Variants in BTC observed in about 807,000 individuals in gnomAD.
The protein encoded by BTC is betacellulin, also known as probetacellulin.
A neutral mutation model predicts 18.1 loss-of-function variants in BTC; 13 were observed. The observed-to-expected ratio is 0.72, with a 90% confidence interval of 0.47 to 1.14. The LOEUF is 1.14. Ranked by LOEUF, BTC falls within the 50% of genes most tolerant of loss-of-function variation. BTC has a pLI of 0.00. For missense variants in BTC, 247 were observed against 224.2 expected (o/e 1.10, Z -0.65); for synonymous variants, 83 against 79.4 (o/e 1.05, Z -0.24).
intron 2 of BTC, among the ~76,000 whole-genome samples, chr4:74,759,361 A>G (rs1724688684): frequency 6.6e-6 from 1 of 152,076 alleles, no homozygotes; most frequent in Non-Finnish European, 1.5e-5. Flanking sequence ...GACACAATCG[A>G]TTTTTTTCCT....
In BTC at chr4:74,769,917, G is replaced by C. The variant is rs1577960033; in HGVS notation, c.163+141C>G. 5.0e-6 allele frequency: 3 copies of C among 598,038 alleles called. No homozygotes were observed. In the East Asian group the frequency reaches 1.0e-4, roughly 21 times the overall value. 37.0% of individuals were successfully genotyped at this position (598,038 alleles called of 1,614,324 possible). A position where few individuals can be genotyped will look rare whatever the true frequency, so the allele number is the denominator to read the frequency against. ...CTAGCTCAGGGGGCTCTTGTGAGTA[G>C]TGATTAATTACTGTATATAAAGCAC... On this transcript the variant is annotated intron_variant, in intron 2 of 5. Transcript: ENST00000395743.
At chr4:74,770,017 A>C in intron 2 of BTC, 41 bp downstream of exon 2, 1 of 1,511,152 alleles carries the variant, frequency 6.6e-7, no homozygotes, top group South Asian at 1.2e-5. Flanking sequence ...TTATCAGAAA[A>C]TTAAAACTCA....
chr4:74,747,736 A>G (rs1553955615), intron 5 of BTC, among the ~76,000 whole-genome samples: 1 of 152,148 alleles, frequency 6.6e-6, no homozygotes, highest in East Asian at 1.9e-4. Context: ...TTTTCTTTCA[A>G]TGTGAAGTGT....
At chr4:74,776,856 G>A (rs1241533158) in intron 1 of BTC, among the ~76,000 whole-genome samples, 1 of 152,010 alleles carries the variant, frequency 6.6e-6, no homozygotes. Flanking sequence ...TTTATATTCT[G>A]ATGATTTAGG....
rs3087017 is a variant in BTC, at chr4:74,786,967, A to AT, written c.64+7294dup. Among the ~76,000 whole-genome samples the AT allele has an allele frequency of 5.0e-3, 724 of 144,526 alleles. 4 individuals carry two copies. Among genetic ancestry groups the AT allele is most frequent in the South Asian group, 0.034 (155 of 4,532 alleles). 94.8% of individuals were successfully genotyped at this position (144,526 alleles called of 152,430 possible). A position where few individuals can be genotyped will look rare whatever the true frequency, so the allele number is the denominator to read the frequency against. On this transcript the variant is annotated intron_variant, in intron 1 of 5. Coordinates refer to ENST00000395743, the MANE Select transcript of BTC (RefSeq NM_001729.4). Reference sequence around the variant, plus strand: ...CAGTGTTTTGCCAACAAGAAATACAATTTTTTTTTTTTTTTACTTAACCTG... The same window carrying AT: ...CAGTGTTTTGCCAACAAGAAATACAATTTTTTTTTTTTTTTTACTTAACCTG...
At chr4:74,770,187 C>T (rs747606787) in intron 1 of BTC, 31 bp from the exon 2 acceptor site, 25 of 1,553,254 alleles carry the variant, frequency 1.6e-5, no homozygotes, top group Non-Finnish European at 2.2e-5. Context: ...CAAAATCAAA[C>T]ATGAAAATTT....
At chr4:74,790,194 G>C (rs1247242683) in intron 1 of BTC, among the ~76,000 whole-genome samples, 4 of 152,166 alleles carry the variant, frequency 2.6e-5, no homozygotes, top group Admixed American at 2.6e-4. Context: ...GAAGTATCCA[G>C]AATCAAAATG....
intron 4 of BTC, among the ~76,000 whole-genome samples, chr4:74,749,649 A>C (rs1724397105): frequency 6.7e-6 from 1 of 149,050 alleles, no homozygotes; most frequent in Non-Finnish European, 1.5e-5. Context: ...CAAGCTTCTC[A>C]AGACAAAAAG....
intron 2 of BTC, among the ~76,000 whole-genome samples, chr4:74,765,183 A>G (rs904212268): frequency 1.3e-5 from 2 of 151,754 alleles, no homozygotes; most frequent in East Asian, 1.9e-4. Context: ...ATGAAGATGT[A>G]TAATTTATTT....
chr4:74,769,563 A>G (rs779524246), intron 2 of BTC, among the ~76,000 whole-genome samples: 1 of 152,246 alleles, frequency 6.6e-6, no homozygotes, highest in Non-Finnish European at 1.5e-5. Context: ...CCTTAGACTG[A>G]TAAGTTTGAG....
intron 1 of BTC, among the ~76,000 whole-genome samples, chr4:74,789,978 G>A (rs926380175): frequency 3.3e-5 from 5 of 152,038 alleles, no homozygotes; most frequent in African/African-American, 1.2e-4. Flanking sequence ...ATCTGTAGAG[G>A]CATTTATTTT....
At chr4:74,761,007 T>A (rs958021177) in intron 2 of BTC, among the ~76,000 whole-genome samples, 33 of 152,148 alleles carry the variant, frequency 2.2e-4, no homozygotes, top group African/African-American at 7.5e-4. Context: ...GTGCTGGGAT[T>A]ACAGGCGTGA....
chr4:74,791,924 G>A (rs1725640339), intron 1 of BTC, among the ~76,000 whole-genome samples: 1 of 149,516 alleles, frequency 6.7e-6, no homozygotes, highest in Admixed American at 6.7e-5. Context: ...CTGGAACCAG[G>A]GCTCATGTCT....
intron 1 of BTC, among the ~76,000 whole-genome samples, chr4:74,770,423 C>G (rs868116027): frequency 1.3e-5 from 2 of 152,090 alleles, no homozygotes; most frequent in Non-Finnish European, 1.5e-5. Flanking sequence ...TGTGAAAGAG[C>G]CTTATAACAA....
rs143006999 is a variant in BTC at position 74,789,273 on chromosome 4, T to C, written c.64+4989A>G. Among the ~76,000 whole-genome samples, 495 of 152,346 alleles carry C rather than the reference T, an allele frequency of 3.2e-3. 3 individuals are homozygous for C. Among genetic ancestry groups the C allele is most frequent in the African/African-American group, 0.011 (473 of 41,588 alleles). On this transcript the variant is annotated intron_variant, in intron 1 of 5. Coordinates refer to ENST00000395743, the MANE Select transcript of BTC (RefSeq NM_001729.4). Reference sequence around the variant, plus strand: ...TTCCTTTTGCTTGCCTCCATAATAGTGGTGACTATTATGGCAGTTTCCTTT... The same window carrying C: ...TTCCTTTTGCTTGCCTCCATAATAGCGGTGACTATTATGGCAGTTTCCTTT...
chr4:74,778,829 G>A (rs1401955664), intron 1 of BTC, among the ~76,000 whole-genome samples: 2 of 152,156 alleles, frequency 1.3e-5, no homozygotes, highest in Non-Finnish European at 2.9e-5. Context: ...AGACAATGAA[G>A]GTGGCTGAAA....
intron 1 of BTC, among the ~76,000 whole-genome samples, chr4:74,772,118 C>T (rs2109902354): frequency 6.6e-6 from 1 of 152,250 alleles, no homozygotes; most frequent in African/African-American, 2.4e-5. Flanking sequence ...AGTGTAAAAA[C>T]CTATCCATAT....
intron 1 of BTC, among the ~76,000 whole-genome samples, chr4:74,791,966 ATC>A (rs1320120103): frequency 1.1e-3 from 114 of 106,040 alleles, no homozygotes; most frequent in African/African-American, 3.3e-3. Context: ...CATTTCCACC[ATC>A]TCACACACAC....
chr4:74,750,178 A>C (rs1724420827), intron 4 of BTC, among the ~76,000 whole-genome samples: 1 of 152,178 alleles, frequency 6.6e-6, no homozygotes, highest in Non-Finnish European at 1.5e-5. Context: ...TGATTTTCAA[A>C]GTTCTGGTAT....
Sources: gnomAD v4.1 joint callset for allele counts (sites outside exome capture counted in the v4.1 genomes callset) on GRCh38, gnomAD v4.1.1 for gene constraint, MANE v1.5 for transcripts, NCBI Gene and HGNC (gene_info 2026-07-23, HGNC 2026-07-21) for gene names.